Variants in AGAP1 observed in about 807,000 individuals in gnomAD.
AGAP1 encodes ArfGAP with GTPase domain, ankyrin repeat and PH domain 1, also known as arf-GAP with GTPase, ANK repeat and PH domain-containing protein 1.
AGAP1 carries 29 observed loss-of-function variants against 105.3 expected under a neutral mutation model. That is an observed-to-expected ratio of 0.28 (90% confidence interval 0.21 to 0.38). AGAP1 has a LOEUF of 0.38. Ranked by LOEUF, AGAP1 falls within the 10% of genes least tolerant of loss-of-function variation. The pLI is 1.00. For synonymous variants in AGAP1, 509 were observed against 485.9 expected, an observed-to-expected ratio of 1.05 and a Z score of -0.63; for missense variants, 998 against 1,165.1, an observed-to-expected ratio of 0.86 and a Z score of 2.09.
At chr2:235,835,333 C>G (rs1960014593) in intron 9 of AGAP1, among the ~76,000 whole-genome samples, 1 of 152,182 alleles carries the variant, frequency 6.6e-6, no homozygotes, top group African/African-American at 2.4e-5. Flanking sequence ...CCCAGAGCTC[C>G]CAGCCATCAA....
chr2:235,910,669 G>C (rs1015988082), intron 11 of AGAP1, among the ~76,000 whole-genome samples: 10 of 152,168 alleles, frequency 6.6e-5, no homozygotes, highest in Non-Finnish European at 1.5e-4. Flanking sequence ...TGTAACCCCA[G>C]CACTTTGGGA....
Position 235,696,852 on chromosome 2 carries a change from C to T in AGAP1, c.164-12327C>T, listed in dbSNP as rs1326769852. On this transcript the variant is annotated intron_variant, in intron 1 of 17. Transcript: ENST00000304032. ...TACAGAAATTAGCTGGGTGTGGTGG[C>T]ACACGTCTGTAATCCTAGCTACTCG... is the stretch of plus-strand genomic sequence containing the variant. Among the ~76,000 whole-genome samples the T allele has an allele frequency of 5.9e-5, 9 of 152,140 alleles. No homozygotes were observed. The East Asian group carries it at 1.7e-3, about 29-fold the overall frequency.
intron 9 of AGAP1, among the ~76,000 whole-genome samples, chr2:235,850,911 G>A (rs935680245): frequency 6.6e-6 from 1 of 152,218 alleles, no homozygotes; most frequent in African/African-American, 2.4e-5. Flanking sequence ...TGGTGGGCAG[G>A]GGCTGACTAA....
chr2:235,678,180 T>C (rs944832857), intron 1 of AGAP1, among the ~76,000 whole-genome samples: 1 of 152,180 alleles, frequency 6.6e-6, no homozygotes. Context: ...TCCGGCTATT[T>C]CAGCTGCCAA....
At chr2:235,781,114 T>C (rs945860678) in intron 6 of AGAP1, among the ~76,000 whole-genome samples, 3 of 152,208 alleles carry the variant, frequency 2.0e-5, no homozygotes, top group Non-Finnish European at 4.4e-5. Context: ...AATCTGGGTA[T>C]GTCTAAAGTA....
intron 8 of AGAP1, among the ~76,000 whole-genome samples, chr2:235,805,192 A>G (rs1311861684): frequency 1.3e-5 from 2 of 152,196 alleles, no homozygotes; most frequent in East Asian, 1.9e-4. Flanking sequence ...TAAAGTTGTC[A>G]GGAAATTTTT....
intron 15 of AGAP1, among the ~76,000 whole-genome samples, chr2:236,043,725 G>GGA (rs1553554873): frequency 5.7e-5 from 8 of 140,812 alleles, no homozygotes; most frequent in South Asian, 2.3e-4. Flanking sequence ...CGTCTCAAGG[G>GGA]AAAAAAAAAA....
chr2:235,742,891 G>A (rs900308023), intron 4 of AGAP1, among the ~76,000 whole-genome samples: 1 of 152,204 alleles, frequency 6.6e-6, no homozygotes, highest in Non-Finnish European at 1.5e-5. Flanking sequence ...AAGAGGCTAG[G>A]TGCAGCGGCT....
rs12469185 is a variant in AGAP1, at chr2:235,789,305, C to T, written c.674-8454C>T. On this transcript the variant is annotated intron_variant, in intron 6 of 17. Transcript: ENST00000304032. This position sits in a 1 kb window ranked among gnomAD's most constrained non-coding sequence, Gnocchi z 4.2. ...CCTCATTCTAAAATTCTGAAATTAA[C>T]GTCAGCAGCCTTGACTTTGCTCTGT... Among the ~76,000 whole-genome samples, 39,218 of 151,982 alleles carry T rather than the reference C, an allele frequency of 0.26. 5,384 individuals carry two copies. The highest frequency in any genetic ancestry group is 0.39 in the Admixed American group (6,018 of 15,242).
At chr2:236,112,816 A>G (rs1458083322) in intron 16 of AGAP1, among the ~76,000 whole-genome samples, 2 of 152,232 alleles carry the variant, frequency 1.3e-5, no homozygotes, top group Admixed American at 6.5e-5. Context: ...TGGCCCTGCT[A>G]GGTTGCTGGC....
chr2:235,834,117 G>T (rs372362062), intron 9 of AGAP1, among the ~76,000 whole-genome samples: 1 of 152,126 alleles, frequency 6.6e-6, no homozygotes, highest in Non-Finnish European at 1.5e-5. Flanking sequence ...TCATTTGCCC[G>T]GTTGGAACAG....
At chr2:235,671,226 T>G (rs1948404630) in intron 1 of AGAP1, among the ~76,000 whole-genome samples, 1 of 151,998 alleles carries the variant, frequency 6.6e-6, no homozygotes, top group African/African-American at 2.4e-5. Context: ...CGGTCCTGGG[T>G]TTTCTGGCTG....
At chr2:235,833,231 T>C (rs1959665688) in intron 9 of AGAP1, among the ~76,000 whole-genome samples, 1 of 152,196 alleles carries the variant, frequency 6.6e-6, no homozygotes. Context: ...TGCTGAGTGA[T>C]GCCAGGGCCA....
rs904276812 is a variant in AGAP1, at chr2:236,044,962, A to G, written c.1892-4097A>G. On this transcript the variant is annotated intron_variant, in intron 15 of 17. Transcript: ENST00000304032. The surrounding 1 kb of genome is among the most constrained non-coding windows in gnomAD (Gnocchi z 5.7). ...GTAGGCTGCCTCTCGGGGCCTGTCC[A>G]TGATTGCAGCAGTGCAATCATGGCT... Among the ~76,000 whole-genome samples the G allele has an allele frequency of 1.6e-4, 24 of 152,152 alleles. No individual in the cohort carries two copies. Among genetic ancestry groups the G allele is most frequent in the African/African-American group, 5.6e-4 (23 of 41,434 alleles).
At chr2:235,703,655 G>A (rs892044565) in intron 1 of AGAP1, among the ~76,000 whole-genome samples, 1 of 151,196 alleles carries the variant, frequency 6.6e-6, no homozygotes, top group South Asian at 2.1e-4. Context: ...CTGGAGTGCG[G>A]TGGCACAATC....
At position 236,090,269 on chromosome 2, in the gene AGAP1, G is replaced by A. The variant is rs971614392; in HGVS notation, c.2115-29923G>A. 6.6e-6 allele frequency among the ~76,000 whole-genome samples: 1 copy of A among 152,136 alleles called. No homozygotes were observed. The highest frequency in any genetic ancestry group is 1.5e-5 in the Non-Finnish European group (1 of 68,022). On this transcript the variant is annotated intron_variant, in intron 16 of 17. Transcript: ENST00000304032. The surrounding 1 kb of genome is among the most constrained non-coding windows in gnomAD (Gnocchi z 4.3). ...TTCCTACTGATATATTCAACCCTCA[G>A]GCGTACCATGCAAAGAGGACATAGC... is the stretch of plus-strand genomic sequence containing the variant.
rs2057583732 is a variant in AGAP1, at chr2:236,042,597, G to A, written c.1891+1756G>A. ...ATGCCTGCAGTTGTTTCCACCGTGCGTCTGAAGGTCGCTTTAAAAGGAAAG... is the reference window on the plus strand; with the variant it reads ...ATGCCTGCAGTTGTTTCCACCGTGCATCTGAAGGTCGCTTTAAAAGGAAAG... On this transcript the variant is annotated intron_variant, in intron 15 of 17. Coordinates refer to ENST00000304032, the MANE Select transcript of AGAP1 (RefSeq NM_001037131.3). The surrounding 1 kb of genome is among the most constrained non-coding windows in gnomAD (Gnocchi z 5.6). 6.6e-6 allele frequency among the ~76,000 whole-genome samples: 1 copy of A among 152,180 alleles called. No individual in the cohort carries two copies. Among genetic ancestry groups the A allele is most frequent in the Non-Finnish European group, 1.5e-5 (1 of 68,048 alleles).
intron 1 of AGAP1, among the ~76,000 whole-genome samples, chr2:235,587,147 A>G (rs1945138291): frequency 6.6e-6 from 1 of 152,206 alleles, no homozygotes; most frequent in Non-Finnish European, 1.5e-5. Context: ...GGTGGTGATA[A>G]TAGACTCACG....
chr2:235,543,289 A>G (rs1559236668), intron 1 of AGAP1, among the ~76,000 whole-genome samples: 1 of 152,066 alleles, frequency 6.6e-6, no homozygotes, highest in Non-Finnish European at 1.5e-5. Context: ...GCCAGGCAGC[A>G]TCAGTGAGAA....
Sources: gnomAD v4.1 joint callset for allele counts (sites outside exome capture counted in the v4.1 genomes callset) on GRCh38, gnomAD v4.1.1 for gene constraint, Gnocchi (gnomAD v3.1) non-coding constraint, MANE v1.5 for transcripts, NCBI Gene and HGNC (gene_info 2026-07-23, HGNC 2026-07-21) for gene names.